Variants in SPAG16 observed in about 807,000 individuals in gnomAD.
SPAG16 encodes sperm-associated antigen 16 protein.
Under a neutral mutation model 80.4 loss-of-function variants are expected in SPAG16, and 86 were observed. The observed-to-expected ratio is 1.07, with a 90% CI of 0.90 to 1.28. The LOEUF (loss-of-function observed/expected upper bound fraction) is 1.28, where lower values mean the gene tolerates loss of function less well. SPAG16 is among the 50% of genes most tolerant of loss of function. The pLI is 0.00. For missense variants in SPAG16, 870 were observed against 765.3 expected (o/e 1.14, Z -1.61); for synonymous variants, 294 against 265.9 (o/e 1.11, Z -1.03).
intron 9 of SPAG16, among the ~76,000 whole-genome samples, chr2:213,486,952 G>C (rs1479487902): frequency 1.3e-5 from 2 of 151,974 alleles, no homozygotes; most frequent in African/African-American, 4.8e-5. Context: ...CGTGATGAAT[G>C]CTTTGCAGAG....
chr2:214,250,295 A>G (rs910596666), intron 15 of SPAG16: 1 of 152,122 alleles, frequency 6.6e-6, no homozygotes, highest in Admixed American at 6.6e-5. Context: ...AATAAATCTC[A>G]AAGAAAGTTA....
At chr2:213,914,136 A>C (rs2077835557) in intron 11 of SPAG16, among the ~76,000 whole-genome samples, 1 of 152,146 alleles carries the variant, frequency 6.6e-6, no homozygotes, top group South Asian at 2.1e-4. Flanking sequence ...ATTATTAAGT[A>C]CCCTAAAGAG....
rs563881770 is a variant in SPAG16, at chr2:213,933,058, A to G, written c.1400+2913A>G. Among the ~76,000 whole-genome samples the G allele has an allele frequency of 2.0e-5, 3 of 152,044 alleles. No individual in the cohort carries two copies. In the South Asian group the frequency reaches 6.2e-4, roughly 32 times the overall value. On this transcript the variant is annotated intron_variant, in intron 12 of 15. Transcript: ENST00000331683. The stretch of plus-strand genomic sequence containing the variant: ...ACATAAATGAATAAAGAGTGATTCA[A>G]CAAGTAAATATGGCAAAAGTATTCT...
intron 15 of SPAG16, among the ~76,000 whole-genome samples, chr2:214,304,676 C>T (rs1344590171): frequency 6.6e-6 from 1 of 152,114 alleles, no homozygotes; most frequent in East Asian, 1.9e-4. Flanking sequence ...CCTCTAGTGC[C>T]ACTGCGTTAG....
At chr2:214,217,221 G>T (rs2058454512) in intron 15 of SPAG16, among the ~76,000 whole-genome samples, 1 of 152,236 alleles carries the variant, frequency 6.6e-6, no homozygotes, top group African/African-American at 2.4e-5. Context: ...AGCATGCAAT[G>T]CTTAGACTTT....
intron 13 of SPAG16, among the ~76,000 whole-genome samples, chr2:214,099,615 T>C (rs1383437698): frequency 1.3e-5 from 2 of 152,112 alleles, no homozygotes; most frequent in African/African-American, 4.8e-5. Flanking sequence ...AAGGGGATTG[T>C]ATATGTATGA....
chr2:214,059,018 G>A (rs1421751066), intron 13 of SPAG16, among the ~76,000 whole-genome samples: 1 of 151,654 alleles, frequency 6.6e-6, no homozygotes, highest in Non-Finnish European at 1.5e-5. Flanking sequence ...AGTAGCAAAT[G>A]TAAAATCTGA....
chr2:213,783,323 A>T (rs937123555), intron 10 of SPAG16, among the ~76,000 whole-genome samples: 9 of 152,052 alleles, frequency 5.9e-5, no homozygotes, highest in African/African-American at 2.2e-4. Flanking sequence ...ATAATAAAAA[A>T]AAAAAAAAAA....
rs148372950 is a variant in SPAG16, at chr2:214,290,502, T to A, written c.1721-119638T>A. ...TATAAATCTTTCTACTTTTTAAATGTAAATATTTACTGTTATAAATGTCCC... is the reference window on the plus strand; with the variant it reads ...TATAAATCTTTCTACTTTTTAAATGAAAATATTTACTGTTATAAATGTCCC... On this transcript the variant is annotated intron_variant, in intron 15 of 15. Transcript: ENST00000331683. 3.9e-3 allele frequency among the ~76,000 whole-genome samples: 601 copies of A among 152,334 alleles called. 1 individual carries two copies. The highest frequency in any genetic ancestry group is 6.1e-3 in the Non-Finnish European group (413 of 68,020).
At chr2:213,423,150 G>A (rs938551592) in intron 9 of SPAG16, among the ~76,000 whole-genome samples, 1 of 152,118 alleles carries the variant, frequency 6.6e-6, no homozygotes, top group Admixed American at 6.5e-5. Flanking sequence ...TGTTAACCAG[G>A]ACCAAATGAT....
chr2:214,298,195 G>C lies in SPAG16; in HGVS notation c.1721-111945G>C, dbSNP rs76203629. On this transcript the variant is annotated intron_variant, in intron 15 of 15. Coordinates refer to ENST00000331683, the MANE Select transcript of SPAG16 (RefSeq NM_024532.5). ...ACACACATATATATATATTTGCATG[G>C]CAATTTTAAATGAGATTGAGTTCCT... is the stretch of plus-strand genomic sequence containing the variant. Among the ~76,000 whole-genome samples the C allele has an allele frequency of 4.7e-3, 698 of 149,290 alleles. 6 individuals carry two copies. Among genetic ancestry groups the C allele is most frequent in the African/African-American group, 0.016 (663 of 40,606 alleles).
intron 9 of SPAG16, among the ~76,000 whole-genome samples, chr2:213,409,666 A>G (rs2125387753): frequency 6.6e-6 from 1 of 152,358 alleles, no homozygotes; most frequent in East Asian, 1.9e-4. Context: ...ACTAAGTTTA[A>G]CATTAATAAC....
chr2:213,857,432 A>T (rs2105929309), intron 10 of SPAG16, among the ~76,000 whole-genome samples: 1 of 152,294 alleles, frequency 6.6e-6, no homozygotes, highest in African/African-American at 2.4e-5. Flanking sequence ...GATCTTTAAG[A>T]TTATGCTAAA....
intron 13 of SPAG16, among the ~76,000 whole-genome samples, chr2:214,024,376 C>G (rs1309008963): frequency 6.6e-6 from 1 of 151,372 alleles, no homozygotes; most frequent in East Asian, 1.9e-4. Flanking sequence ...AGATTATGAT[C>G]TAGAAGGGTA....
At chr2:213,728,063 G>A (rs1327855546) in intron 10 of SPAG16, among the ~76,000 whole-genome samples, 1 of 152,062 alleles carries the variant, frequency 6.6e-6, no homozygotes, top group South Asian at 2.1e-4. Context: ...TGGTCAGGCT[G>A]GTCTCAAACT....
chr2:213,900,366 G>A (rs1400301205), intron 11 of SPAG16, among the ~76,000 whole-genome samples: 1 of 152,046 alleles, frequency 6.6e-6, no homozygotes, highest in Non-Finnish European at 1.5e-5. Context: ...CAATATCTCG[G>A]AACGACTGTG....
chr2:214,117,713 A>G (rs1183665254), intron 14 of SPAG16, among the ~76,000 whole-genome samples: 2 of 152,248 alleles, frequency 1.3e-5, no homozygotes, highest in East Asian at 3.8e-4. Flanking sequence ...AGGCAATTCA[A>G]TAAATGTTAT....
intron 6 of SPAG16, among the ~76,000 whole-genome samples, chr2:213,345,527 G>T (rs1396192216): frequency 8.6e-6 from 1 of 116,878 alleles, no homozygotes; most frequent in Non-Finnish European, 1.7e-5. Context: ...TAACATTTAA[G>T]TCTTTAATCC....
rs913776437 is a variant in SPAG16, at chr2:213,678,818, A to G, written c.1071-183667A>G. ...CACTTCCTTTCAGCTTTACCTTACC[A>G]GAGACTTGCTGTTTGGAACACAGAA... On this transcript the variant is annotated intron_variant, in intron 10 of 15. Transcript: ENST00000331683. Among the ~76,000 whole-genome samples, 13 of 152,254 alleles carry G rather than the reference A, an allele frequency of 8.5e-5. 1 individual carries two copies. Among genetic ancestry groups the G allele is most frequent in the Admixed American group, 2.6e-4 (4 of 15,270 alleles).
Sources: allele counts gnomAD v4.1 joint callset (sites outside exome capture counted in the v4.1 genomes callset), GRCh38; gene constraint gnomAD v4.1.1; transcripts MANE v1.5; gene names NCBI Gene and HGNC (gene_info 2026-07-23, HGNC 2026-07-21).